Variants in ADD3 observed in about 807,000 individuals in gnomAD.
ADD3 encodes the protein gamma-adducin.
Under a neutral mutation model 80.2 loss-of-function variants are expected in ADD3, and 25 were observed. That is an observed-to-expected ratio of 0.31 (90% confidence interval 0.23 to 0.44). ADD3 has a LOEUF of 0.44. ADD3 is among the 20% of genes least tolerant of loss of function. ADD3 has a pLI of 1.00. For synonymous variants in ADD3, 284 were observed against 289.6 expected, an observed-to-expected ratio of 0.98 and a Z score of 0.20; for missense variants, 829 against 847.5, an observed-to-expected ratio of 0.98 and a Z score of 0.27.
intron 1 of ADD3, among the ~76,000 whole-genome samples, chr10:110,061,942 C>T (rs1858945285): frequency 6.6e-6 from 1 of 151,928 alleles, no homozygotes; most frequent in Non-Finnish European, 1.5e-5. Flanking sequence ...TGCAAATTGG[C>T]CAGGCCAGAC....
chr10:110,010,132 C>CT (rs1282916795), intron 1 of ADD3, among the ~76,000 whole-genome samples: 3 of 84,152 alleles, frequency 3.6e-5, no homozygotes, highest in Non-Finnish European at 5.4e-5. Context: ...ACCAGAATGT[C>CT]TTTTGAGACC....
rs960828573 is a variant in ADD3, at chr10:110,041,610, C to A, written c.-30+33311C>A. Reference sequence around the variant, plus strand: ...TATAGGATGTTCACACTCACATTTCCACAGACGTGCTTAGAATTATGGGCA... The same window carrying A: ...TATAGGATGTTCACACTCACATTTCAACAGACGTGCTTAGAATTATGGGCA... On this transcript the variant is annotated intron_variant, in intron 1 of 14. Transcript: ENST00000356080. 3.3e-5 allele frequency among the ~76,000 whole-genome samples: 5 copies of A among 152,146 alleles called. No homozygotes were observed. The South Asian group carries it at 8.3e-4, about 25-fold the overall frequency.
chr10:110,027,459 G>A (rs777513016), intron 1 of ADD3, among the ~76,000 whole-genome samples: 17 of 151,788 alleles, frequency 1.1e-4, no homozygotes, highest in East Asian at 3.9e-4. Context: ...AGAAACGGGC[G>A]GGAAATTAGT....
At chr10:110,111,255 G>A (rs1400945917) in intron 2 of ADD3, among the ~76,000 whole-genome samples, 2 of 152,166 alleles carry the variant, frequency 1.3e-5, no homozygotes, top group Admixed American at 1.3e-4. Context: ...TTCTGGCAGG[G>A]CATCCTGCTA....
chr10:110,033,609 C>T (rs145420771), intron 1 of ADD3, among the ~76,000 whole-genome samples: 2 of 152,230 alleles, frequency 1.3e-5, no homozygotes, highest in Non-Finnish European at 2.9e-5. Context: ...ATAGAGGGAG[C>T]AGTGTTCTTG....
intron 1 of ADD3, among the ~76,000 whole-genome samples, chr10:110,092,411 C>A (rs745528525): frequency 2.6e-5 from 4 of 152,118 alleles, no homozygotes; most frequent in Non-Finnish European, 4.4e-5. Flanking sequence ...GAAATCATGT[C>A]CTTTGCAGCA....
upstream of ADD3, among the ~76,000 whole-genome samples, chr10:110,007,607 C>T (rs570666047): frequency 6.6e-6 from 1 of 152,306 alleles, no homozygotes; most frequent in East Asian, 1.9e-4. Flanking sequence ...TCGAGCTGCA[C>T]AGTCAGAAGA....
At chr10:110,024,607 ACTAACTT>A (rs1396740516) in intron 1 of ADD3, among the ~76,000 whole-genome samples, 1 of 152,234 alleles carries the variant, frequency 6.6e-6, no homozygotes, top group Admixed American at 6.5e-5. Context: ...ATTTGACAGA[ACTAACTT>A]CTAGATTATT....
rs1731708033 is a variant in ADD3, at chr10:110,117,435, A to G, written c.567+13A>G. The G allele has an allele frequency of 2.0e-6, 3 of 1,527,270 alleles. No homozygotes were observed. The highest frequency in any genetic ancestry group is 2.7e-6 in the Non-Finnish European group (3 of 1,101,824). The allele number at this position is 1,527,270 out of a possible 1,614,324, so 94.6% of individuals were successfully genotyped here. On this transcript the variant is annotated intron_variant, in intron 5 of 14. Transcript: ENST00000356080. ...AGCCTCCAATTTGGTATAATTTTCCATTCCTGTGTTGCTTTTTCTGAGCTT... is the reference window on the plus strand; with the variant it reads ...AGCCTCCAATTTGGTATAATTTTCCGTTCCTGTGTTGCTTTTTCTGAGCTT...
chr10:110,020,164 A>G (rs927044566), intron 1 of ADD3, among the ~76,000 whole-genome samples: 3 of 152,186 alleles, frequency 2.0e-5, no homozygotes, highest in Admixed American at 2.0e-4. Flanking sequence ...AGCTCGGTGC[A>G]TCCTTTATTC....
intron 1 of ADD3, among the ~76,000 whole-genome samples, chr10:110,038,537 T>C (rs184049463): frequency 9.8e-5 from 15 of 152,372 alleles, no homozygotes; most frequent in Admixed American, 5.2e-4. Flanking sequence ...ATCTGTCTTA[T>C]TATTAACTGT....
intron 1 of ADD3, among the ~76,000 whole-genome samples, chr10:110,085,530 A>C (rs74154973): frequency 0.011 from 1,701 of 152,248 alleles, 34 homozygotes; most frequent in African/African-American, 0.04. Context: ...GGGACAGGGA[A>C]TTTTTGGCAA....
intron 1 of ADD3, chr10:109,996,560 T>C (rs1438832846): frequency 6.6e-6 from 1 of 152,248 alleles, no homozygotes; most frequent in East Asian, 1.9e-4. Context: ...AAGGACAGGA[T>C]GTTCCTCTTT....
intron 10 of ADD3, 105 bp downstream of exon 10, chr10:110,124,379 A>C: frequency 7.8e-7 from 1 of 1,290,100 alleles, no homozygotes; most frequent in South Asian, 1.5e-5. Context: ...AATAATATTA[A>C]AAATATTACT....
chr10:110,109,551 T>C (rs544221396), intron 2 of ADD3, among the ~76,000 whole-genome samples: 3 of 152,340 alleles, frequency 2.0e-5, no homozygotes, highest in African/African-American at 7.2e-5. Flanking sequence ...TATTGTAATA[T>C]ATGTAATGAG....
chr10:110,059,685 C>T (rs905712839), intron 1 of ADD3, among the ~76,000 whole-genome samples: 1 of 152,164 alleles, frequency 6.6e-6, no homozygotes, highest in Non-Finnish European at 1.5e-5. Context: ...AGAAGGATCG[C>T]TTGAACCCAG....
chr10:110,114,667 A>G (rs930668091), intron 3 of ADD3, among the ~76,000 whole-genome samples: 1 of 152,230 alleles, frequency 6.6e-6, no homozygotes, highest in African/African-American at 2.4e-5. Context: ...GAATGGTAAT[A>G]TCAATATTAG....
chr10:110,008,392 C>T (rs965889101), intron 1 of ADD3, 93 bp downstream of exon 1: 1 of 152,678 alleles, frequency 6.5e-6, no homozygotes, highest in African/African-American at 2.4e-5. Flanking sequence ...GGGGACGCTA[C>T]TGGGGGTCGC....
intron 1 of ADD3, among the ~76,000 whole-genome samples, chr10:110,060,617 C>G (rs1041618983): frequency 1.3e-5 from 2 of 152,190 alleles, no homozygotes; most frequent in East Asian, 1.9e-4. Flanking sequence ...ATCTCACTAT[C>G]CTAAAAATCT....
Sources: allele counts gnomAD v4.1 joint callset (sites outside exome capture counted in the v4.1 genomes callset), GRCh38; gene constraint gnomAD v4.1.1; transcripts MANE v1.5; gene names NCBI Gene and HGNC (gene_info 2026-07-23, HGNC 2026-07-21).